Variants in PTGER3 observed in about 807,000 individuals in gnomAD.
PTGER3 encodes the protein prostaglandin E receptor 3, also known as prostaglandin E2 receptor EP3 subtype.
Under a neutral mutation model 34.7 loss-of-function variants are expected in PTGER3, and 22 were observed. That is an observed-to-expected ratio of 0.63 (90% confidence interval 0.45 to 0.91). The LOEUF (loss-of-function observed/expected upper bound fraction) is 0.91. Among genes scored for constraint, PTGER3 ranks in the 40% least tolerant of loss-of-function variants. PTGER3 has a pLI of 0.00. For synonymous variants in PTGER3, 241 were observed against 230.1 expected, an observed-to-expected ratio of 1.05 and a Z score of -0.43; for missense variants, 468 against 519.4, an observed-to-expected ratio of 0.90 and a Z score of 0.96.
chr1:70,887,975 C>T (rs35350692), intron 4 of PTGER3, among the ~76,000 whole-genome samples: 6,942 of 151,316 alleles, frequency 0.046, 403 homozygotes, highest in East Asian at 0.22. Flanking sequence ...TGTTCCTGAC[C>T]AGAAAGCAAT....
chr1:70,969,305 A>C (rs1652848781), downstream of PTGER3, among the ~76,000 whole-genome samples: 1 of 152,206 alleles, frequency 6.6e-6, no homozygotes, highest in Non-Finnish European at 1.5e-5. Flanking sequence ...AAATGACAAC[A>C]ACCACTAACA....
At chr1:70,992,505 T>C (rs1466840175) in intron 2 of PTGER3, among the ~76,000 whole-genome samples, 5 of 152,220 alleles carry the variant, frequency 3.3e-5, no homozygotes, top group South Asian at 2.1e-4. Flanking sequence ...TTACTAAAGA[T>C]AGCGCTCTGT....
At chr1:70,952,787 C>A in exon 4 of PTGER3, 1 of 1,354,378 alleles carries the variant, frequency 7.4e-7, no homozygotes, top group African/African-American at 1.5e-5. Context: ...TAATCTCCCA[C>A]CTTTCCGAGT....
intron 2 of PTGER3, among the ~76,000 whole-genome samples, chr1:70,959,078 T>C (rs1261580223): frequency 6.6e-6 from 1 of 152,214 alleles, no homozygotes; most frequent in Non-Finnish European, 1.5e-5. Flanking sequence ...ACTAGAGCTT[T>C]GTAGTATATT....
chr1:70,986,346 T>C (rs1252508080), intron 2 of PTGER3, among the ~76,000 whole-genome samples: 1 of 152,218 alleles, frequency 6.6e-6, no homozygotes, highest in Non-Finnish European at 1.5e-5. Flanking sequence ...CCCTGAAGTC[T>C]TTCTTGCCTG....
At chr1:70,857,728 G>A (rs1056170612) in intron 4 of PTGER3, among the ~76,000 whole-genome samples, 6 of 152,130 alleles carry the variant, frequency 3.9e-5, no homozygotes, top group African/African-American at 1.4e-4. Context: ...TAGAGACGGG[G>A]TTTCACTGTG....
At chr1:70,939,342 T>C (rs940725646) in intron 4 of PTGER3, among the ~76,000 whole-genome samples, 1 of 152,218 alleles carries the variant, frequency 6.6e-6, no homozygotes, top group African/African-American at 2.4e-5. Flanking sequence ...GTGTTGAGTG[T>C]CTGCAGCTTT....
intron 2 of PTGER3, chr1:71,009,724 G>T: frequency 1.0e-6 from 1 of 984,940 alleles, no homozygotes; most frequent in South Asian, 4.7e-5. Flanking sequence ...CAAAATTCAG[G>T]AATTGTCATA....
At chr1:70,863,379 G>T (rs1264028515) in intron 4 of PTGER3, among the ~76,000 whole-genome samples, 1 of 152,146 alleles carries the variant, frequency 6.6e-6, no homozygotes, top group East Asian at 1.9e-4. Context: ...TTGATCATGT[G>T]TTCAGGCTGA....
intron 4 of PTGER3, among the ~76,000 whole-genome samples, chr1:70,908,035 C>A (rs1049656182): frequency 3.3e-5 from 5 of 152,160 alleles, no homozygotes; most frequent in Non-Finnish European, 7.3e-5. Flanking sequence ...CCCTTCAGTT[C>A]ATGCAAGACA....
At chr1:70,947,842 AC>A (rs1434591122), downstream of PTGER3, among the ~76,000 whole-genome samples, 1 of 152,212 alleles carries the variant, frequency 6.6e-6, no homozygotes, top group African/African-American at 2.4e-5. Flanking sequence ...ATCTACGTGT[AC>A]ATGTTCTAAA....
At chr1:70,917,015 A>G (rs1647187945) in intron 4 of PTGER3, among the ~76,000 whole-genome samples, 1 of 151,988 alleles carries the variant, frequency 6.6e-6, no homozygotes, top group African/African-American at 2.4e-5. Flanking sequence ...ATAAACATTT[A>G]TCATTTCTTT....
At position 70,925,372 on chromosome 1, in the gene PTGER3, A is replaced by G. The variant is rs545439867; in HGVS notation, c.*23+28391T>C. Among the ~76,000 whole-genome samples the G allele has an allele frequency of 1.1e-4, 17 of 152,332 alleles. No individual in the cohort carries two copies. In the East Asian group the frequency reaches 3.3e-3, roughly 29 times the overall value. The stretch of plus-strand genomic sequence containing the variant: ...GCTATGTATATGTGTCACTACTAAT[A>G]TCTTATACTTTGAACATTTGTCTAT... On this transcript the variant is annotated intron_variant, in intron 4 of 4. Transcript: ENST00000370931.
downstream of PTGER3, among the ~76,000 whole-genome samples, chr1:70,966,678 T>C (rs1652555604): frequency 1.3e-5 from 2 of 152,052 alleles, no homozygotes; most frequent in African/African-American, 2.4e-5. Flanking sequence ...CAGCTCCCAC[T>C]TATGAATGAG....
intron 1 of PTGER3, among the ~76,000 whole-genome samples, chr1:71,017,449 G>A (rs2100881257): frequency 6.6e-6 from 1 of 152,260 alleles, no homozygotes; most frequent in Non-Finnish European, 1.5e-5. Context: ...CTACAGAACA[G>A]AGAAATGTGT....
At chr1:70,909,991 A>T (rs1047565215) in intron 4 of PTGER3, among the ~76,000 whole-genome samples, 10 of 152,220 alleles carry the variant, frequency 6.6e-5, no homozygotes, top group African/African-American at 2.4e-4. Context: ...TAATGTAAGG[A>T]TCAATTGAGA....
chr1:70,917,733 A>T (rs1647215898), intron 4 of PTGER3, among the ~76,000 whole-genome samples: 1 of 151,916 alleles, frequency 6.6e-6, no homozygotes, highest in Non-Finnish European at 1.5e-5. Flanking sequence ...CTTTTTGATA[A>T]TAGCCATTCT....
intron 4 of PTGER3, among the ~76,000 whole-genome samples, chr1:70,892,207 A>C (rs1053536569): frequency 6.6e-6 from 1 of 152,198 alleles, no homozygotes; most frequent in Non-Finnish European, 1.5e-5. Flanking sequence ...TCTATCACTT[A>C]TGAGCTGTTG....
At chr1:71,021,090 G>A (rs192036597) in intron 1 of PTGER3, among the ~76,000 whole-genome samples, 1 of 152,072 alleles carries the variant, frequency 6.6e-6, no homozygotes, top group African/African-American at 2.4e-5. Flanking sequence ...AGGGGAATAC[G>A]ACAAAGAAAT....
Sources: allele counts gnomAD v4.1 joint callset (sites outside exome capture counted in the v4.1 genomes callset), GRCh38; gene constraint gnomAD v4.1.1; transcripts MANE v1.5; gene names NCBI Gene and HGNC (gene_info 2026-07-23, HGNC 2026-07-21).